Variants in TG observed in about 807,000 individuals in gnomAD.
The protein encoded by TG is thyroglobulin.
In TG, 270 loss-of-function variants were observed where a neutral mutation model predicts 324.7. The observed-to-expected ratio is 0.83, with a 90% CI of 0.75 to 0.92. The LOEUF (loss-of-function observed/expected upper bound fraction) is 0.92, where lower values mean the gene tolerates loss of function less well. Among genes scored for constraint, TG ranks in the 40% least tolerant of loss-of-function variants. The pLI is 0.00. For missense variants in TG, 3,591 were observed against 3,456.4 expected (o/e 1.04, Z -0.98); for synonymous variants, 1,401 against 1,327.0 (o/e 1.06, Z -1.21).
At chr8:132,876,997 G>C (rs1813904013) in intron 5 of TG, among the ~76,000 whole-genome samples, 1 of 152,166 alleles carries the variant, frequency 6.6e-6, no homozygotes, top group Non-Finnish European at 1.5e-5. Context: ...ATATGGTAAA[G>C]GGGCATTGTA....
rs543459929 is a variant in TG at position 133,021,846 on chromosome 8, G to A, written c.6877-145G>A. ...GCTAGGACTTCAATGTATAAATTTAGAGGGACACAGCTCCATCCACTGCAT... is the reference window on the plus strand; with the variant it reads ...GCTAGGACTTCAATGTATAAATTTAAAGGGACACAGCTCCATCCACTGCAT... On this transcript the variant is annotated intron_variant, in intron 39 of 47. Transcript: ENST00000220616. The A allele has an allele frequency of 1.1e-4, 108 of 942,290 alleles. 1 individual carries two copies. The South Asian group carries it at 1.5e-3, about 13-fold the overall frequency. 58.4% of individuals were successfully genotyped at this position (942,290 alleles called of 1,614,324 possible).
chr8:132,960,440 T>G (rs115319851), intron 27 of TG, among the ~76,000 whole-genome samples: 2,286 of 152,080 alleles, frequency 0.015, 65 homozygotes, highest in African/African-American at 0.053. Context: ...CATCAGGAAA[T>G]GGTGTGGCAA....
intron 27 of TG, among the ~76,000 whole-genome samples, chr8:132,957,167 A>G (rs1465821318): frequency 6.6e-6 from 1 of 152,164 alleles, no homozygotes; most frequent in Admixed American, 6.5e-5. Context: ...GTGGTGATTG[A>G]CAAAGGTGCT....
intron 41 of TG, among the ~76,000 whole-genome samples, chr8:133,092,977 A>C (rs936578102): frequency 4.4e-4 from 67 of 152,166 alleles, no homozygotes; most frequent in African/African-American, 1.5e-3. Flanking sequence ...GGCTTTTTAT[A>C]GCCGAAGGAA....
At chr8:132,995,425 G>C (rs1317740373) in intron 35 of TG, 1 of 985,192 alleles carries the variant, frequency 1.0e-6, no homozygotes, top group African/African-American at 1.7e-5. Context: ...CAAGGCAGCT[G>C]TGTGAGCTTG....
intron 22 of TG, among the ~76,000 whole-genome samples, chr8:132,927,942 C>T (rs1291996198): frequency 6.6e-6 from 1 of 152,120 alleles, no homozygotes; most frequent in Admixed American, 6.5e-5. Context: ...GGGCAGAGCA[C>T]GTGAAATTGG....
chr8:132,908,726 C>G (rs979464127), intron 18 of TG, among the ~76,000 whole-genome samples: 1 of 152,212 alleles, frequency 6.6e-6, no homozygotes. Context: ...AAACAAGTAC[C>G]TGTCAGGTAA....
At chr8:132,957,271 C>A (rs1411424222) in intron 27 of TG, among the ~76,000 whole-genome samples, 2 of 152,082 alleles carry the variant, frequency 1.3e-5, no homozygotes, top group South Asian at 4.2e-4. Context: ...TAGTTGAATT[C>A]CATTGGATTA....
At chr8:132,958,675 G>C (rs1412111541) in intron 27 of TG, among the ~76,000 whole-genome samples, 1 of 40,894 alleles carries the variant, frequency 2.4e-5, no homozygotes, top group Non-Finnish European at 4.3e-5. Context: ...CCGAGATCGT[G>C]CTGCTGCACC....
chr8:133,133,552 G>C lies in TG; in HGVS notation c.8080G>C (p.Gly2694Arg). The C allele has an allele frequency of 6.2e-7, 1 of 1,614,198 alleles. No homozygotes were observed. Among genetic ancestry groups the C allele is most frequent in the Non-Finnish European group, 8.5e-7 (1 of 1,180,028 alleles). ...PWPDFVPRAG[G>R]ENYKEFSELL... ...GCCTGACTTTGTACCCCGTGCTGGT[G>C]GAGAGAACTACAAGGAGTTCAGTGA... is the stretch of plus-strand genomic sequence containing the variant. Residue 2694 changes from glycine (G) to arginine (R), a missense_variant, in exon 47 of 48, where the codon GGA becomes CGA. Transcript: ENST00000220616.
intron 36 of TG, among the ~76,000 whole-genome samples, chr8:133,012,275 G>T (rs538909914): frequency 1.3e-5 from 2 of 152,296 alleles, no homozygotes; most frequent in East Asian, 1.9e-4. Flanking sequence ...GTCAGAGGAA[G>T]ATCAGAAGAA....
At chr8:132,880,096 A>G (rs1459315052) in intron 5 of TG, among the ~76,000 whole-genome samples, 3 of 152,184 alleles carry the variant, frequency 2.0e-5, no homozygotes, top group East Asian at 1.9e-4. Flanking sequence ...ACAGAGTCAC[A>G]TGCCTTGCAG....
rs192745321 is a variant in TG at position 132,947,794 on chromosome 8, A to G, written c.5234-982A>G. 4.6e-5 allele frequency among the ~76,000 whole-genome samples: 7 copies of G among 152,354 alleles called. No individual in the cohort carries two copies. In the East Asian group the frequency reaches 1.2e-3, roughly 25 times the overall value. ...CCTCATCAGTAAAATGGAGATAATA[A>G]TGTCTATAAGAATTAAGGGAATTAA... On this transcript the variant is annotated intron_variant, in intron 26 of 47. Transcript: ENST00000220616.
rs1391386114 is a variant in TG at position 133,060,375 on chromosome 8, A to C, written c.7239+30352A>C. The C allele has an allele frequency of 4.6e-6, 7 of 1,530,194 alleles. No individual in the cohort carries two copies. The East Asian group carries it at 1.7e-4, about 38-fold the overall frequency. 94.8% of individuals were successfully genotyped at this position (1,530,194 alleles called of 1,614,324 possible). On this transcript the variant is annotated intron_variant, in intron 41 of 47. Transcript: ENST00000220616. ...AGATTGGTTACTTTTGCGCAGCTCA[A>C]GTTCTTTTATCAAGGGAATGACAGA...
intron 41 of TG, chr8:133,040,267 T>C: frequency 1.1e-6 from 1 of 909,540 alleles, no homozygotes; most frequent in South Asian, 1.7e-5. Context: ...CAAAGGGGCA[T>C]GGTAGGTGGT....
At chr8:133,133,725 G>T (rs1852126041) in intron 47 of TG, 65 bp downstream of exon 47, 2 of 1,554,506 alleles carry the variant, frequency 1.3e-6, no homozygotes, top group Non-Finnish European at 1.8e-6. Context: ...TGTGCTCGCT[G>T]CATGAGACCT....
At chr8:132,930,582 T>C (rs560166213) in intron 23 of TG, among the ~76,000 whole-genome samples, 11 of 151,738 alleles carry the variant, frequency 7.2e-5, no homozygotes, top group African/African-American at 2.7e-4. Flanking sequence ...CTCAGGAGGC[T>C]GAGGCAGGAG....
chr8:132,945,042 G>A (rs1237759179), intron 26 of TG, among the ~76,000 whole-genome samples: 1 of 152,178 alleles, frequency 6.6e-6, no homozygotes, highest in Non-Finnish European at 1.5e-5. Context: ...TAGGCGGCAT[G>A]AATAGTTGTT....
intron 35 of TG, chr8:132,995,511 G>A (rs1397915987): frequency 1.0e-6 from 1 of 985,256 alleles, no homozygotes; most frequent in Non-Finnish European, 1.2e-6. Flanking sequence ...GACTCACTTT[G>A]CTTAGATCAG....
Sources: allele counts gnomAD v4.1 joint callset (sites outside exome capture counted in the v4.1 genomes callset), GRCh38; gene constraint gnomAD v4.1.1; transcripts MANE v1.5; gene names NCBI Gene and HGNC (gene_info 2026-07-23, HGNC 2026-07-21).